Variants in LOC400499 observed in about 807,000 individuals in gnomAD.
At chr16:11,395,482 G>C in the LOC400499 span, among the ~76,000 whole-genome samples, 4 of 152,176 alleles carry the variant, frequency 2.6e-5, no homozygotes, top group Non-Finnish European at 5.9e-5. Context: ...GGCTGGAAAC[G>C]GGGAAGTGAC....
chr16:11,447,969 C>T, the LOC400499 span: 3 of 1,535,938 alleles, frequency 2.0e-6, no homozygotes, highest in African/African-American at 2.7e-5. Context: ...GGTACAATGT[C>T]CTGTCTTGCC....
chr16:11,479,873 T>C, the LOC400499 span, among the ~76,000 whole-genome samples: 1 of 152,222 alleles, frequency 6.6e-6, no homozygotes, highest in Admixed American at 6.5e-5. Flanking sequence ...TGCGTCTCGT[T>C]GCTGTATCCC....
the LOC400499 span, among the ~76,000 whole-genome samples, chr16:11,417,457 A>T: frequency 6.7e-6 from 1 of 148,884 alleles, no homozygotes; most frequent in Non-Finnish European, 1.5e-5. Context: ...AAACTAATCC[A>T]CCTGCCTTGG....
At chr16:11,464,815 A>T in the LOC400499 span, among the ~76,000 whole-genome samples, 1 of 152,234 alleles carries the variant, frequency 6.6e-6, no homozygotes, top group East Asian at 1.9e-4. Context: ...GACCAGCAGG[A>T]AGATCCACGG....
chr16:11,479,991 C>G, the LOC400499 span, among the ~76,000 whole-genome samples: 1 of 152,118 alleles, frequency 6.6e-6, no homozygotes, highest in African/African-American at 2.4e-5. Flanking sequence ...TAAAACCCAG[C>G]TCTCCGGCTG....
At chr16:11,382,623 A>G in the LOC400499 span, among the ~76,000 whole-genome samples, 1 of 75,068 alleles carries the variant, frequency 1.3e-5, no homozygotes, top group Non-Finnish European at 3.0e-5. Context: ...AGGGCTGAGT[A>G]TTTTCCCTAA....
the LOC400499 span, among the ~76,000 whole-genome samples, chr16:11,476,021 G>C: frequency 6.6e-6 from 1 of 152,174 alleles, no homozygotes; most frequent in Non-Finnish European, 1.5e-5. Flanking sequence ...GGTAACTTTT[G>C]AGCAGAAATC....
chr16:11,498,521 A>ATAAATAAG, the LOC400499 span, among the ~76,000 whole-genome samples: 2 of 151,544 alleles, frequency 1.3e-5, no homozygotes, highest in African/African-American at 4.9e-5. Flanking sequence ...AAATAAATAA[A>ATAAATAAG]ATTAATCCGA....
the LOC400499 span, chr16:11,398,198 A>T: frequency 1.8e-6 from 1 of 562,176 alleles, no homozygotes; most frequent in Non-Finnish European, 2.7e-6. Context: ...TGCACTGCCC[A>T]GTCACCCAGC....
At chr16:11,463,539 G>C in the LOC400499 span, among the ~76,000 whole-genome samples, 1 of 152,314 alleles carries the variant, frequency 6.6e-6, no homozygotes, top group South Asian at 2.1e-4. Context: ...TCTGTATGTA[G>C]ACATGTATGG....
the LOC400499 span, among the ~76,000 whole-genome samples, chr16:11,416,058 T>C: frequency 3.6e-3 from 538 of 150,672 alleles, 1 homozygote; most frequent in African/African-American, 0.012. Flanking sequence ...CAGGTTCGAG[T>C]GATTCTTGTG....
the LOC400499 span, among the ~76,000 whole-genome samples, chr16:11,495,045 C>A: frequency 6.6e-6 from 1 of 152,102 alleles, no homozygotes; most frequent in African/African-American, 2.4e-5. Flanking sequence ...CCCGTCTCTA[C>A]TAAAAACACA....
the LOC400499 span, chr16:11,385,328 C>G: frequency 3.2e-6 from 4 of 1,232,200 alleles, no homozygotes; most frequent in Non-Finnish European, 3.0e-6. Context: ...AGTCCTGGGC[C>G]AGGAGGATGC....
chr16:11,460,665 A>C, the LOC400499 span: 2 of 1,475,090 alleles, frequency 1.4e-6, no homozygotes, highest in East Asian at 5.0e-5. Flanking sequence ...GCCCTCCACC[A>C]GGGCTCCAAG....
the LOC400499 span, among the ~76,000 whole-genome samples, chr16:11,427,786 G>C: frequency 2.6e-5 from 4 of 152,208 alleles, no homozygotes; most frequent in Admixed American, 2.6e-4. Flanking sequence ...TTATATCAGA[G>C]GAACGAAGAA....
the LOC400499 span, among the ~76,000 whole-genome samples, chr16:11,515,281 AC>A: frequency 2.0e-5 from 3 of 151,704 alleles, no homozygotes; most frequent in African/African-American, 7.3e-5. Flanking sequence ...CACCATCTCT[AC>A]TAAAAATCCA....
At chr16:11,462,289 C>T in the LOC400499 span, 18 of 1,500,114 alleles carry the variant, frequency 1.2e-5, no homozygotes, top group Non-Finnish European at 1.4e-5. Context: ...TGGCTGGCTG[C>T]AGGTCACTCC....
the LOC400499 span, chr16:11,393,397 C>A: frequency 8.1e-7 from 1 of 1,232,322 alleles, no homozygotes. Flanking sequence ...TCACCCTCCT[C>A]ATGGGCCACA....
the LOC400499 span, among the ~76,000 whole-genome samples, chr16:11,455,249 A>T: frequency 6.6e-6 from 1 of 152,226 alleles, no homozygotes; most frequent in African/African-American, 2.4e-5. Flanking sequence ...AAGAAAATGG[A>T]AGAGAATATG....
Sources: allele counts gnomAD v4.1 joint callset (sites outside exome capture counted in the v4.1 genomes callset), GRCh38; gene constraint gnomAD v4.1.1; transcripts MANE v1.5.